Variants in IFI44 observed in about 807,000 individuals in gnomAD.
IFI44 encodes interferon induced protein 44.
Under a neutral mutation model 45.0 loss-of-function variants are expected in IFI44, and 42 were observed. That is an observed-to-expected ratio of 0.93 (90% CI 0.73 to 1.21). The LOEUF (loss-of-function observed/expected upper bound fraction) is 1.21, where lower values mean the gene tolerates loss of function less well. IFI44 is among the 50% of genes most tolerant of loss of function. The pLI is 0.00. For missense variants in IFI44, 623 were observed against 525.8 expected, an observed-to-expected ratio of 1.18 and a Z score of -1.81; for synonymous variants, 221 against 188.6, an observed-to-expected ratio of 1.17 and a Z score of -1.41.
At position 78,650,530 on chromosome 1, in the gene IFI44, C is replaced by G; in HGVS notation, c.335C>G (p.Thr112Ser). ...GATGTTACAAAATATAACTCCCCAA[C>G]TAATTTCCAGATAGATGGAAGAAAT... Reference protein sequence around the residue: ...CCDVTKYNSPTNFQIDGRNRK... With the variant: ...CCDVTKYNSPSNFQIDGRNRK... Residue 112 changes from threonine to serine, a missense_variant, in exon 2 of 9, where the codon ACT (threonine) becomes AGT (serine). Coordinates refer to ENST00000370747, the MANE Select transcript of IFI44 (RefSeq NM_006417.5). 6.2e-7 allele frequency: 1 copy of G among 1,613,502 alleles called. No individual in the cohort carries two copies. The highest frequency in any genetic ancestry group is 8.5e-7 in the Non-Finnish European group (1 of 1,179,458).
chr1:78,650,422 C>G lies in IFI44; in HGVS notation c.227C>G (p.Ser76Cys). The part of the protein sequence containing the change: ...EESYQEGKYA[S>C]IILFALQDTK... The stretch of plus-strand genomic sequence containing the variant: ...AGTTACCAGGAAGGAAAGTATGCTT[C>G]CATCATCCTTTTTGCACTTCAAGAT... The change falls in exon 2 of 9, where the codon TCC (serine) becomes TGC (cysteine). Residue 76 changes from serine (S) to cysteine (C), a missense_variant. Physicochemically the swap from Ser to Cys is moderately radical, Grantham distance 112. Coordinates refer to ENST00000370747, the MANE Select transcript of IFI44 (RefSeq NM_006417.5). 3.7e-6 allele frequency: 6 copies of G among 1,612,754 alleles called. No individual in the cohort carries two copies. The highest frequency in any genetic ancestry group is 5.1e-6 in the Non-Finnish European group (6 of 1,178,816).
chr1:78,662,207 C>A lies in IFI44; in HGVS notation c.1114-497C>A, dbSNP rs564862206. On this transcript the variant is annotated intron_variant, in intron 7 of 8. Transcript: ENST00000370747. Reference sequence around the variant, plus strand: ...AGATTTTCTTAATCAGTCCTTATAACAAGCCTATGAAATGGGTACTATCAT... The same window carrying A: ...AGATTTTCTTAATCAGTCCTTATAAAAAGCCTATGAAATGGGTACTATCAT... Among the ~76,000 whole-genome samples the A allele has an allele frequency of 1.4e-3, 216 of 152,234 alleles. 1 individual carries two copies. The highest frequency in any genetic ancestry group is 5.1e-3 in the African/African-American group (212 of 41,536).
At chr1:78,651,759 A>G (rs187146649) in intron 2 of IFI44, among the ~76,000 whole-genome samples, 1 of 152,220 alleles carries the variant, frequency 6.6e-6, no homozygotes. Context: ...GAATTCGACT[A>G]TTTTAGATTC....
At chr1:78,663,029 T>G (rs893715144) in intron 8 of IFI44, 151 bp downstream of exon 8, 2 of 1,496,752 alleles carry the variant, frequency 1.3e-6, no homozygotes, top group Non-Finnish European at 1.8e-6. Flanking sequence ...CTGGATGCAT[T>G]TTTCCCTCCT....
rs377477558 is a variant in IFI44 at position 78,659,298 on chromosome 1, T to C, written c.841-14T>C. The C allele has an allele frequency of 1.3e-6, 2 of 1,596,504 alleles. No individual in the cohort carries two copies. Among genetic ancestry groups the C allele is most frequent in the African/African-American group, 2.7e-5 (2 of 74,566 alleles). On this transcript the variant is annotated splice_polypyrimidine_tract_variant and intron_variant, in intron 5 of 8. Coordinates refer to ENST00000370747, the MANE Select transcript of IFI44 (RefSeq NM_006417.5). ...TTTGTTGAATTAATATCTTGCTTTA[T>C]GTCTACCTTACAGTTTAATCCCATG...
At chr1:78,656,840 G>A (rs1459172475) in intron 5 of IFI44, among the ~76,000 whole-genome samples, 2 of 150,598 alleles carry the variant, frequency 1.3e-5, no homozygotes, top group South Asian at 2.1e-4. Context: ...TTAGTATAGA[G>A]TTATCTTGTA....
Position 78,655,112 on chromosome 1 carries a change from G to C in IFI44, c.593G>C (p.Gly198Ala), listed in dbSNP as rs1042627064. 2.5e-6 allele frequency: 4 copies of C among 1,613,840 alleles called. No individual in the cohort carries two copies. The highest frequency in any genetic ancestry group is 3.4e-6 in the Non-Finnish European group (4 of 1,179,904). The change falls in exon 4 of 9, where the codon GGG becomes GCG. Residue 198 changes from glycine (G) to alanine (A), a missense_variant. Physicochemically the swap from Gly to Ala is moderately conservative, Grantham distance 60 (BLOSUM62 0). Transcript: ENST00000370747. ...CTGCTGCTGGGTCCAATTGGAGCTG[G>C]GAAGTCCAGCTTTTTCAACTCAGTG... Reference protein sequence around the residue: ...RILLLGPIGAGKSSFFNSVRS... With the variant: ...RILLLGPIGAAKSSFFNSVRS...
At chr1:78,650,719 A>G (rs1647110958) in intron 2 of IFI44, 67 bp downstream of exon 2, 2 of 1,066,562 alleles carry the variant, frequency 1.9e-6, no homozygotes, top group South Asian at 3.4e-5. Flanking sequence ...GAACCAATTC[A>G]TCTCTTTAAG....
chr1:78,650,751 T>C (rs759153648), intron 2 of IFI44, 99 bp downstream of exon 2: 82 of 773,532 alleles, frequency 1.1e-4, no homozygotes, highest in Non-Finnish European at 1.4e-4. Flanking sequence ...TTTTCACTTG[T>C]CAATAATTTG....
At chr1:78,656,346 C>T (rs1647211298) in intron 5 of IFI44, among the ~76,000 whole-genome samples, 1 of 152,168 alleles carries the variant, frequency 6.6e-6, no homozygotes, top group Admixed American at 6.5e-5. Flanking sequence ...AATGAACATT[C>T]AGATCTCGAA....
chr1:78,650,682 G>A (rs776014027), intron 2 of IFI44, 30 bp downstream of exon 2: 9 of 1,391,782 alleles, frequency 6.5e-6, no homozygotes, highest in Non-Finnish European at 7.8e-6. Context: ...CCTGTAGAGA[G>A]TTCTCCCTTG....
chr1:78,664,046 A>C lies in IFI44; in HGVS notation c.*235A>C. 1 of 339,286 alleles carries C rather than the reference A, an allele frequency of 2.9e-6. No homozygotes were observed. 21.0% of individuals were successfully genotyped at this position (339,286 alleles called of 1,614,324 possible). A position where few individuals can be genotyped will look rare whatever the true frequency, so the allele number is the denominator to read the frequency against. ...CTTGGATTTATGTTCTGTATCTGTG[A>C]AAAAATAAATTTCTTATAAAACTCG... On this transcript the variant is annotated 3_prime_UTR_variant, in exon 9 of 9. Coordinates refer to ENST00000370747, the MANE Select transcript of IFI44 (RefSeq NM_006417.5).
At position 78,650,276 on chromosome 1, in the gene IFI44, C is replaced by G. The variant is rs115638974; in HGVS notation, c.81C>G (p.Leu27=). 5.4e-4 allele frequency: 879 copies of G among 1,613,992 alleles called. 6 individuals carry two copies. The African/African-American group carries it at 0.01, about 19-fold the overall frequency. The change falls in exon 2 of 9, where the codon CTC becomes CTG. Residue 27 remains leucine (L), a synonymous_variant. Transcript: ENST00000370747. The part of the protein sequence containing the change: ...NHFGGKRLSL[L]YKGSVHGFRN... ...TTGGAGGGAAGCGGCTTAGCCTTCT[C>G]TATAAGGGTAGTGTCCATGGATTCC...
At chr1:78,657,279 G>C (rs1647235257) in intron 5 of IFI44, among the ~76,000 whole-genome samples, 2 of 151,868 alleles carry the variant, frequency 1.3e-5, no homozygotes, top group Admixed American at 1.3e-4. Flanking sequence ...TGTATGTTCT[G>C]ACTTTATATC....
At position 78,663,878 on chromosome 1, in the gene IFI44, C is replaced by G; in HGVS notation, c.*67C>G. On this transcript the variant is annotated 3_prime_UTR_variant, in exon 9 of 9. Coordinates refer to ENST00000370747, the MANE Select transcript of IFI44 (RefSeq NM_006417.5). ...ATTAAAATTCAGAAAGGAGAAAACA[C>G]AGACCAAAGAGAAGTATCTAAGACC... The G allele has an allele frequency of 2.0e-6, 3 of 1,495,188 alleles. No homozygotes were observed. Among genetic ancestry groups the G allele is most frequent in the Non-Finnish European group, 1.8e-6 (2 of 1,090,000 alleles). The allele number at this position is 1,495,188 out of a possible 1,614,324, so 92.6% of individuals were successfully genotyped here. A position where few individuals can be genotyped will look rare whatever the true frequency, so the allele number is the denominator to read the frequency against.
intron 8 of IFI44, 127 bp downstream of exon 8, chr1:78,663,005 T>C: frequency 6.4e-7 from 1 of 1,557,522 alleles, no homozygotes. Flanking sequence ...TAGTTCTGCT[T>C]TTTAACCCAC....
chr1:78,660,881 T>C, intron 7 of IFI44: 1 of 515,432 alleles, frequency 1.9e-6, no homozygotes. Flanking sequence ...CTGTGGATGC[T>C]TAATGGCATA....
At chr1:78,663,285 A>T in intron 8 of IFI44, 10 of 985,030 alleles carry the variant, frequency 1.0e-5, no homozygotes, top group Non-Finnish European at 1.2e-5. Flanking sequence ...TTAGGACCTT[A>T]CACTCCTGTC....
intron 2 of IFI44, among the ~76,000 whole-genome samples, chr1:78,651,400 G>A (rs796277042): frequency 6.6e-6 from 1 of 152,068 alleles, no homozygotes; most frequent in Non-Finnish European, 1.5e-5. Context: ...TATGGTTTGC[G>A]CTCCTATGAG....
Sources: allele counts gnomAD v4.1 joint callset (sites outside exome capture counted in the v4.1 genomes callset), GRCh38; gene constraint gnomAD v4.1.1; transcripts MANE v1.5; gene names NCBI Gene and HGNC (gene_info 2026-07-23, HGNC 2026-07-21).